The following KCNAB1 variants were observed in gnomAD, a reference collection of about 807,000 sequenced individuals.
KCNAB1 encodes the protein voltage-gated potassium channel subunit beta-1.
A neutral mutation model predicts 64.6 loss-of-function variants in KCNAB1; 35 were observed. The observed-to-expected ratio is 0.54, with a 90% CI of 0.41 to 0.72. The LOEUF is 0.72. Among genes scored for constraint, KCNAB1 ranks in the 30% least tolerant of loss-of-function variants. The pLI is 0.00. For missense variants in KCNAB1, 401 were observed against 512.9 expected, an observed-to-expected ratio of 0.78 and a Z score of 2.11; for synonymous variants, 177 against 183.8, an observed-to-expected ratio of 0.96 and a Z score of 0.30.
At chr3:156,421,730 T>C in intron 2 of KCNAB1, 71 bp downstream of exon 2, 1 of 1,412,602 alleles carries the variant, frequency 7.1e-7, no homozygotes, top group South Asian at 1.2e-5. Context: ...AGGGAGTGAC[T>C]GTGGTCTAGG....
At chr3:156,204,094 G>A (rs141455731) in intron 1 of KCNAB1, among the ~76,000 whole-genome samples, 1 of 152,214 alleles carries the variant, frequency 6.6e-6, no homozygotes, top group Non-Finnish European at 1.5e-5. Flanking sequence ...AGATGTCAGT[G>A]GGAGTAGGAA....
At chr3:156,525,295 T>G (rs1464699811) in intron 12 of KCNAB1, among the ~76,000 whole-genome samples, 1 of 151,770 alleles carries the variant, frequency 6.6e-6, no homozygotes, top group African/African-American at 2.4e-5. Flanking sequence ...GATGTGGAGG[T>G]GGAACATAGT....
chr3:156,170,226 T>G (rs1336287903), intron 1 of KCNAB1, among the ~76,000 whole-genome samples: 4 of 151,958 alleles, frequency 2.6e-5, no homozygotes, highest in African/African-American at 9.7e-5. Flanking sequence ...GAATCGTTTT[T>G]TTTTTTTTTT....
At chr3:156,304,285 AT>A (rs1721341471) in intron 1 of KCNAB1, among the ~76,000 whole-genome samples, 1 of 152,198 alleles carries the variant, frequency 6.6e-6, no homozygotes, top group Admixed American at 6.5e-5. Flanking sequence ...CTTTATGCTG[AT>A]TACCTCATGT....
At chr3:156,516,433 T>G in intron 11 of KCNAB1, 69 bp downstream of exon 11, 1 of 1,122,900 alleles carries the variant, frequency 8.9e-7, no homozygotes, top group South Asian at 1.2e-5. Flanking sequence ...TAAGAACAGC[T>G]CTGCAGCAGC....
At chr3:156,427,409 A>G (rs573701245) in intron 2 of KCNAB1, among the ~76,000 whole-genome samples, 8 of 152,308 alleles carry the variant, frequency 5.3e-5, no homozygotes, top group African/African-American at 1.9e-4. Context: ...GGTTTAGGAC[A>G]TCTGGCTCAT....
intron 1 of KCNAB1, among the ~76,000 whole-genome samples, chr3:156,161,640 A>G (rs550409937): frequency 6.6e-6 from 1 of 152,310 alleles, no homozygotes; most frequent in Admixed American, 6.5e-5. Context: ...CTGTCTATAT[A>G]TTTTTAAAAT....
intron 1 of KCNAB1, among the ~76,000 whole-genome samples, chr3:156,127,730 A>G (rs925417700): frequency 6.6e-6 from 1 of 152,140 alleles, no homozygotes; most frequent in African/African-American, 2.4e-5. Context: ...TGGGGTGGTG[A>G]GTTGGAAGTA....
intron 1 of KCNAB1, among the ~76,000 whole-genome samples, chr3:156,148,948 T>C (rs1481628266): frequency 2.6e-5 from 4 of 152,186 alleles, no homozygotes. Context: ...CCTAATCAGC[T>C]TGGCCTCAGG....
chr3:156,410,579 T>A (rs1714577507), intron 1 of KCNAB1, among the ~76,000 whole-genome samples: 2 of 152,180 alleles, frequency 1.3e-5, no homozygotes, highest in South Asian at 4.1e-4. Context: ...TATTGCCCAT[T>A]CAGAACAGTT....
At chr3:156,368,113 G>C (rs567784318) in intron 1 of KCNAB1, among the ~76,000 whole-genome samples, 1 of 152,326 alleles carries the variant, frequency 6.6e-6, no homozygotes, top group African/African-American at 2.4e-5. Flanking sequence ...AGAATGCCCA[G>C]TTAAATTTGG....
At chr3:156,408,313 A>G (rs1714397841) in intron 1 of KCNAB1, among the ~76,000 whole-genome samples, 1 of 152,164 alleles carries the variant, frequency 6.6e-6, no homozygotes, top group Non-Finnish European at 1.5e-5. Context: ...GAGGAAGACC[A>G]CACACTTCAA....
intron 1 of KCNAB1, among the ~76,000 whole-genome samples, chr3:156,411,610 A>G (rs1714670650): frequency 6.6e-6 from 1 of 152,170 alleles, no homozygotes. Flanking sequence ...CATTTGTTGA[A>G]TAAACAATCC....
intron 1 of KCNAB1, among the ~76,000 whole-genome samples, chr3:156,158,207 TA>T (rs1450489181): frequency 6.2e-5 from 9 of 145,796 alleles, no homozygotes; most frequent in African/African-American, 2.2e-4. Flanking sequence ...AATAAATAAA[TA>T]AATAAATAAA....
intron 13 of KCNAB1, 125 bp downstream of exon 13, chr3:156,531,622 A>G: frequency 1.4e-6 from 1 of 731,510 alleles, no homozygotes; most frequent in South Asian, 1.5e-5. Context: ...AACAAAGGCA[A>G]CAGAACACTT....
intron 1 of KCNAB1, among the ~76,000 whole-genome samples, chr3:156,285,136 G>A (rs1288064966): frequency 2.6e-5 from 4 of 152,178 alleles, no homozygotes; most frequent in Non-Finnish European, 5.9e-5. Context: ...TATGTCATAA[G>A]TGACCACATT....
At chr3:156,215,620 T>C (rs1198550955) in intron 1 of KCNAB1, 1 of 152,262 alleles carries the variant, frequency 6.6e-6, no homozygotes, top group Non-Finnish European at 1.5e-5. Flanking sequence ...CATTTGGCAG[T>C]TGGTGGAGAC....
At chr3:156,129,190 A>C (rs1713843681) in intron 1 of KCNAB1, among the ~76,000 whole-genome samples, 2 of 152,124 alleles carry the variant, frequency 1.3e-5, no homozygotes, top group African/African-American at 4.8e-5. Context: ...AAGGGGATGA[A>C]ATATTCCCTG....
intron 1 of KCNAB1, among the ~76,000 whole-genome samples, chr3:156,129,471 A>G (rs1308946454): frequency 2.6e-5 from 4 of 152,182 alleles, no homozygotes; most frequent in African/African-American, 4.8e-5. Context: ...TGCCTCCTCT[A>G]TAAGTCACCA....
Sources: allele counts gnomAD v4.1 joint callset (sites outside exome capture counted in the v4.1 genomes callset), GRCh38; gene constraint gnomAD v4.1.1; transcripts MANE v1.5; gene names NCBI Gene and HGNC (gene_info 2026-07-23, HGNC 2026-07-21).